Variants in MANBA observed in about 807,000 individuals in gnomAD.
The protein encoded by MANBA is mannosidase beta, also known as beta-mannosidase.
A neutral mutation model predicts 111.1 loss-of-function variants in MANBA; 83 were observed. The observed-to-expected ratio is 0.75, with a 90% CI of 0.63 to 0.90. The LOEUF is 0.90. Ranked by LOEUF, MANBA falls within the 40% of genes least tolerant of loss-of-function variation. MANBA has a pLI of 0.00. For missense variants in MANBA, 1,036 were observed against 1,069.0 expected, an observed-to-expected ratio of 0.97 and a Z score of 0.43; for synonymous variants, 370 against 378.7, an observed-to-expected ratio of 0.98 and a Z score of 0.27.
At chr4:102,734,999 A>C (rs1723159481) in intron 1 of MANBA, among the ~76,000 whole-genome samples, 1 of 152,070 alleles carries the variant, frequency 6.6e-6, no homozygotes, top group Non-Finnish European at 1.5e-5. Flanking sequence ...TGACAAGCCC[A>C]CCCTCTCCCA....
Position 102,714,482 on chromosome 4 carries a change from T to C in MANBA, c.629A>G (p.Tyr210Cys), listed in dbSNP as rs1261928174. The C allele has an allele frequency of 3.7e-6, 6 of 1,604,212 alleles. No homozygotes were observed. The highest frequency in any genetic ancestry group is 2.7e-5 in the African/African-American group (2 of 74,708). Reference sequence around the variant, plus strand: ...GAAGTAGTTCAGGTGACAAATATTATAGGCTTCAATTCTAACATCTTTCCA... The same window carrying C: ...GAAGTAGTTCAGGTGACAAATATTACAGGCTTCAATTCTAACATCTTTCCA... ...GIWKDVRIEA[Y>C]NICHLNYFTF... Residue 210 changes from tyrosine (Y) to cysteine (C), a missense_variant, in exon 5 of 17, where the codon TAT (tyrosine) becomes TGT (cysteine). By Grantham distance (194) the Tyr-to-Cys change is radical. Coordinates refer to ENST00000647097, the MANE Select transcript of MANBA (RefSeq NM_005908.4).
rs1037074062 is a variant in MANBA at position 102,631,820 on chromosome 4, T to C, written c.*237A>G. Reference sequence around the variant, plus strand: ...GAGAGGTGAAGGGCTAAAAACACAGTCCTGGCACAGATTCCAGGACACCCC... The same window carrying C: ...GAGAGGTGAAGGGCTAAAAACACAGCCCTGGCACAGATTCCAGGACACCCC... On this transcript the variant is annotated 3_prime_UTR_variant, in exon 17 of 17. Coordinates refer to ENST00000647097, the MANE Select transcript of MANBA (RefSeq NM_005908.4). 4 of 616,570 alleles carry C rather than the reference T, an allele frequency of 6.5e-6. No homozygotes were observed. In the African/African-American group the frequency reaches 7.4e-5, roughly 11 times the overall value. The allele number at this position is 616,570 out of a possible 1,614,324, so 38.2% of individuals were successfully genotyped here.
chr4:102,742,620 A>C (rs1723443875), intron 1 of MANBA, among the ~76,000 whole-genome samples: 1 of 152,152 alleles, frequency 6.6e-6, no homozygotes, highest in Non-Finnish European at 1.5e-5. Context: ...CCACTGCCAC[A>C]CTTCTTTAGC....
At chr4:102,711,137 A>G (rs1167312721) in intron 5 of MANBA, among the ~76,000 whole-genome samples, 1 of 152,222 alleles carries the variant, frequency 6.6e-6, no homozygotes, top group African/African-American at 2.4e-5. Context: ...TAAACTAAAA[A>G]GCTTCTTCAC....
At position 102,631,610 on chromosome 4, in the gene MANBA, C is replaced by T. The variant is rs1025033156; in HGVS notation, c.*447G>A. 4 of 409,288 alleles carry T rather than the reference C, an allele frequency of 9.8e-6. No homozygotes were observed. Among genetic ancestry groups the T allele is most frequent in the Admixed American group, 4.1e-5 (1 of 24,396 alleles). The allele number at this position is 409,288 out of a possible 1,614,324, so 25.4% of individuals were successfully genotyped here. A position where few individuals can be genotyped will look rare whatever the true frequency, so the allele number is the denominator to read the frequency against. The stretch of plus-strand genomic sequence containing the variant: ...GAAATCTCTGTTGTAACATTTCAAT[C>T]GCCATTCCCTCTGAAATAATAACAA... On this transcript the variant is annotated 3_prime_UTR_variant, in exon 17 of 17. Coordinates refer to ENST00000647097, the MANE Select transcript of MANBA (RefSeq NM_005908.4).
At position 102,634,773 on chromosome 4, in the gene MANBA, A is replaced by G. The variant is rs1729540534; in HGVS notation, c.2415+15T>C. The G allele has an allele frequency of 6.2e-7, 1 of 1,612,950 alleles. No individual in the cohort carries two copies. The highest frequency in any genetic ancestry group is 8.5e-7 in the Non-Finnish European group (1 of 1,180,014). ...AGGCCACAGTCCCCTGCCCTCCGCC[A>G]TGACCTGTGCTTACAGTGATCTGCG... On this transcript the variant is annotated intron_variant, in intron 16 of 16. Coordinates refer to ENST00000647097, the MANE Select transcript of MANBA (RefSeq NM_005908.4).
chr4:102,668,151 A>G (rs1731308860), intron 10 of MANBA: 1 of 152,212 alleles, frequency 6.6e-6, no homozygotes. Context: ...AATATAATGC[A>G]ATCTGTGTTT....
At chr4:102,637,748 G>A (rs531234514) in intron 14 of MANBA, among the ~76,000 whole-genome samples, 2 of 152,100 alleles carry the variant, frequency 1.3e-5, no homozygotes, top group African/African-American at 2.4e-5. Flanking sequence ...CTCTTCATAC[G>A]GCTGTTTATT....
In MANBA at chr4:102,636,035, C is replaced by T. The variant is rs4547797; in HGVS notation, c.2015-28G>A. ...GAAAATAATCAAGAGTGTCAGGAGA[C>T]GGCAAGGTCAAGTAGTCAGAGAGGC... On this transcript the variant is annotated intron_variant, in intron 14 of 16. Transcript: ENST00000647097. The T allele has an allele frequency of 0.52, 839,069 of 1,603,016 alleles. 222,850 individuals are homozygous for T. Among genetic ancestry groups the T allele is most frequent in the Admixed American group, 0.7 (41,762 of 59,910 alleles).
intron 4 of MANBA, among the ~76,000 whole-genome samples, chr4:102,716,061 ACACTTT>A (rs1311376092): frequency 3.9e-5 from 6 of 151,998 alleles, no homozygotes; most frequent in Non-Finnish European, 8.8e-5. Context: ...TGTAATATCA[ACACTTT>A]GGGAGGCCGA....
chr4:102,725,314 C>A (rs950873005), intron 2 of MANBA, among the ~76,000 whole-genome samples: 1 of 152,044 alleles, frequency 6.6e-6, no homozygotes, highest in Non-Finnish European at 1.5e-5. Flanking sequence ...GGCATTTCTA[C>A]TCCCCTTATA....
At chr4:102,658,533 A>G (rs977077214) in intron 11 of MANBA, among the ~76,000 whole-genome samples, 2 of 152,230 alleles carry the variant, frequency 1.3e-5, no homozygotes, top group African/African-American at 4.8e-5. Context: ...TTTATCTGTA[A>G]GATGAGGATA....
At chr4:102,744,480 G>A (rs908787469) in intron 1 of MANBA, among the ~76,000 whole-genome samples, 1 of 152,190 alleles carries the variant, frequency 6.6e-6, no homozygotes, top group African/African-American at 2.4e-5. Flanking sequence ...ATGTCCCTGA[G>A]GTAGGACAGC....
chr4:102,730,127 A>G, intron 1 of MANBA: 2 of 1,205,126 alleles, frequency 1.7e-6, no homozygotes, highest in Non-Finnish European at 2.3e-6. Context: ...CCCGGGGCCC[A>G]GAGGTGGACA....
intron 5 of MANBA, among the ~76,000 whole-genome samples, chr4:102,702,180 G>A (rs1288051190): frequency 4.6e-5 from 7 of 151,502 alleles, no homozygotes; most frequent in East Asian, 1.9e-4. Context: ...CATTCTTCAC[G>A]TAGTTCTCGA....
chr4:102,750,724 G>A (rs1234293367), intron 1 of MANBA, among the ~76,000 whole-genome samples: 1 of 152,082 alleles, frequency 6.6e-6, no homozygotes, highest in African/African-American at 2.4e-5. Flanking sequence ...ACCAGCCTGT[G>A]CAACATAGGG....
intron 4 of MANBA, chr4:102,722,511 AG>A (rs1578938148): frequency 3.5e-6 from 1 of 286,420 alleles, no homozygotes; most frequent in East Asian, 8.7e-5. Context: ...ATATTTGCAG[AG>A]GGCTTCCTAG....
At chr4:102,743,685 G>C (rs1209094074) in intron 1 of MANBA, among the ~76,000 whole-genome samples, 2 of 152,088 alleles carry the variant, frequency 1.3e-5, no homozygotes, top group South Asian at 2.1e-4. Flanking sequence ...ATTTGATGAG[G>C]GAATGCTGCT....
At chr4:102,639,977 A>C in intron 13 of MANBA, 120 bp from the exon 14 acceptor site, 1 of 1,033,064 alleles carries the variant, frequency 9.7e-7, no homozygotes, top group Non-Finnish European at 1.5e-6. Flanking sequence ...ATTTGGATAA[A>C]ATTAGGGAAT....
Sources: gnomAD v4.1 joint callset for allele counts (sites outside exome capture counted in the v4.1 genomes callset) on GRCh38, gnomAD v4.1.1 for gene constraint, MANE v1.5 for transcripts, NCBI Gene and HGNC (gene_info 2026-07-23, HGNC 2026-07-21) for gene names.